Variants in GRIK2 observed in about 807,000 individuals in gnomAD.
GRIK2 encodes glutamate ionotropic receptor kainate type subunit 2, also known as glutamate receptor ionotropic, kainate 2.
In GRIK2, 32 loss-of-function variants were observed where a neutral mutation model predicts 100.3. That is an observed-to-expected ratio of 0.32 (90% CI 0.24 to 0.43). GRIK2 has a LOEUF of 0.43. Among genes scored for constraint, GRIK2 ranks in the 20% least tolerant of loss-of-function variants. The pLI, the probability that GRIK2 is intolerant of heterozygous loss-of-function variation, is 1.00. For missense variants in GRIK2, 843 were observed against 1,114.9 expected, an observed-to-expected ratio of 0.76 and a Z score of 3.47; for synonymous variants, 417 against 389.4, an observed-to-expected ratio of 1.07 and a Z score of -0.83.
At chr6:101,401,816 C>T (rs1016082349) in intron 2 of GRIK2, among the ~76,000 whole-genome samples, 1 of 152,186 alleles carries the variant, frequency 6.6e-6, no homozygotes, top group South Asian at 2.1e-4. Flanking sequence ...TGGACCCGTG[C>T]CTTGGAAGGG....
At chr6:101,605,782 A>G (rs1033891764) in intron 2 of GRIK2, among the ~76,000 whole-genome samples, 3 of 152,092 alleles carry the variant, frequency 2.0e-5, no homozygotes, top group African/African-American at 7.2e-5. Context: ...TAGAGGCTCA[A>G]ATCAGTGTTA....
intron 14 of GRIK2, among the ~76,000 whole-genome samples, chr6:101,982,323 T>A (rs1386319771): frequency 6.6e-6 from 1 of 151,934 alleles, no homozygotes; most frequent in East Asian, 1.9e-4. Context: ...TTCAGAAATA[T>A]AATTTTCTGG....
At chr6:101,719,536 A>G (rs1450392135) in intron 7 of GRIK2, among the ~76,000 whole-genome samples, 3 of 152,046 alleles carry the variant, frequency 2.0e-5, no homozygotes, top group African/African-American at 7.2e-5. Flanking sequence ...AGATAAAATA[A>G]TGAGCCTTCA....
chr6:101,515,632 A>G (rs1774548538), intron 2 of GRIK2, among the ~76,000 whole-genome samples: 1 of 152,148 alleles, frequency 6.6e-6, no homozygotes, highest in African/African-American at 2.4e-5. Flanking sequence ...GTGGTATCCC[A>G]TTGTGGCTTT....
intron 4 of GRIK2, among the ~76,000 whole-genome samples, chr6:101,648,254 C>T (rs777633037): frequency 1.5e-4 from 23 of 151,896 alleles, no homozygotes; most frequent in Non-Finnish European, 2.2e-4. Context: ...ATTGGACTAC[C>T]GATGATTATA....
chr6:102,064,080 T>C lies in GRIK2; in HGVS notation c.2563-4267T>C, dbSNP rs931673242. On this transcript the variant is annotated intron_variant, in intron 16 of 16. Transcript: ENST00000369134. ...ATCCTTGTGCCTTTCTTTTTTCTTT[T>C]TGTAGTCTGTTATATTAATGTGGAG... is the stretch of plus-strand genomic sequence containing the variant. The C allele has an allele frequency of 2.0e-5, 19 of 929,896 alleles. No homozygotes were observed. The African/African-American group carries it at 2.7e-4, about 13-fold the overall frequency. The allele number at this position is 929,896 out of a possible 1,614,324, so 57.6% of individuals were successfully genotyped here.
chr6:101,709,729 G>T (rs967159568), intron 7 of GRIK2, among the ~76,000 whole-genome samples: 2 of 151,748 alleles, frequency 1.3e-5, no homozygotes, highest in East Asian at 3.9e-4. Context: ...TGGGCTTTGC[G>T]CGGGGTAGGT....
intron 14 of GRIK2, among the ~76,000 whole-genome samples, chr6:102,000,248 C>T (rs1167944525): frequency 1.4e-5 from 2 of 145,152 alleles, no homozygotes; most frequent in Non-Finnish European, 3.0e-5. Context: ...GTGATATCAC[C>T]TGGGCATAGA....
At chr6:101,745,751 T>C (rs907388891) in intron 7 of GRIK2, among the ~76,000 whole-genome samples, 6 of 152,202 alleles carry the variant, frequency 3.9e-5, no homozygotes, top group Non-Finnish European at 7.3e-5. Flanking sequence ...TTTTAGATGT[T>C]TCCCAGTTTC....
chr6:101,677,571 C>G (rs935377527), intron 5 of GRIK2, among the ~76,000 whole-genome samples: 2 of 152,076 alleles, frequency 1.3e-5, no homozygotes, highest in African/African-American at 4.8e-5. Context: ...GATGAAGGAA[C>G]TGAAGTTGGG....
intron 6 of GRIK2, among the ~76,000 whole-genome samples, chr6:101,683,878 C>T (rs1011998927): frequency 1.1e-4 from 17 of 151,998 alleles, no homozygotes; most frequent in African/African-American, 3.6e-4. Context: ...CTGATTTTTC[C>T]TTTGTAGTGT....
chr6:101,480,589 CCAGA>C (rs777668548), intron 2 of GRIK2, among the ~76,000 whole-genome samples: 9 of 152,086 alleles, frequency 5.9e-5, no homozygotes, highest in East Asian at 1.9e-4. Flanking sequence ...AGGCAATCTC[CCAGA>C]CAAAGAAAAT....
At chr6:101,920,157 A>G (rs559722067) in intron 12 of GRIK2, among the ~76,000 whole-genome samples, 1 of 152,068 alleles carries the variant, frequency 6.6e-6, no homozygotes, top group East Asian at 1.9e-4. Flanking sequence ...TCTTCATTTT[A>G]TAAATATGGA....
intron 15 of GRIK2, among the ~76,000 whole-genome samples, chr6:102,053,314 C>T (rs1771299391): frequency 6.6e-6 from 1 of 152,042 alleles, no homozygotes; most frequent in South Asian, 2.1e-4. Context: ...ATATCATTAT[C>T]AGAATAAAAT....
Position 102,037,483 on chromosome 6 carries a change from C to G in GRIK2, c.2311+1917C>G, listed in dbSNP as rs1258426478. On this transcript the variant is annotated intron_variant, in intron 15 of 16. Transcript: ENST00000369134. Reference sequence around the variant, plus strand: ...TTTACATGTTTTAGACTTCCCAGTGCATAATGATACTGGATGCCACTGTTT... The same window carrying G: ...TTTACATGTTTTAGACTTCCCAGTGGATAATGATACTGGATGCCACTGTTT... Among the ~76,000 whole-genome samples the G allele has an allele frequency of 2.0e-5, 3 of 151,390 alleles. No individual in the cohort carries two copies. In the East Asian group the frequency reaches 5.9e-4, roughly 30 times the overall value.
intron 4 of GRIK2, among the ~76,000 whole-genome samples, chr6:101,637,990 T>G (rs2128323176): frequency 6.6e-6 from 1 of 152,032 alleles, no homozygotes; most frequent in Non-Finnish European, 1.5e-5. Flanking sequence ...CTAAATATTC[T>G]AATATTTAGA....
intron 11 of GRIK2, among the ~76,000 whole-genome samples, chr6:101,875,663 A>G (rs1022584721): frequency 6.6e-6 from 1 of 151,398 alleles, no homozygotes; most frequent in African/African-American, 2.4e-5. Flanking sequence ...CTTTTGACTC[A>G]TTGTTTTTTC....
At chr6:101,439,776 G>A (rs1000754880) in intron 2 of GRIK2, among the ~76,000 whole-genome samples, 7 of 152,078 alleles carry the variant, frequency 4.6e-5, no homozygotes, top group Non-Finnish European at 1.0e-4. Context: ...TACCTATGAT[G>A]TAATTATTTT....
At position 101,577,883 on chromosome 6, in the gene GRIK2, G is replaced by A. The variant is rs1350883876; in HGVS notation, c.116-44066G>A. Among the ~76,000 whole-genome samples, 3 of 152,276 alleles carry A rather than the reference G, an allele frequency of 2.0e-5. No homozygotes were observed. In the East Asian group the frequency reaches 5.8e-4, roughly 29 times the overall value. On this transcript the variant is annotated intron_variant, in intron 2 of 16. Transcript: ENST00000369134. ...TTAATCTAATGAATGAAGAGCTCCT[G>A]TGTTCCTGGGGAATGGGGAATGGAT...
Sources: gnomAD v4.1 joint callset for allele counts (sites outside exome capture counted in the v4.1 genomes callset) on GRCh38, gnomAD v4.1.1 for gene constraint, MANE v1.5 for transcripts, NCBI Gene and HGNC (gene_info 2026-07-23, HGNC 2026-07-21) for gene names.